DLG2: variants seen among roughly 807,000 people sequenced by gnomAD.
DLG2 encodes disks large homolog 2.
A neutral mutation model predicts 132.5 loss-of-function variants in DLG2; 45 were observed. The ratio of observed to expected loss-of-function variants is 0.34; its 90% confidence interval spans 0.27 to 0.44. DLG2 has a LOEUF of 0.44. Among genes scored for constraint, DLG2 ranks in the 20% least tolerant of loss-of-function variants. The probability of loss-of-function intolerance (pLI) is 1.00; values close to 1 mark genes in which losing one functional copy is unlikely to be tolerated. For missense variants in DLG2, 1,045 were observed against 1,196.9 expected (o/e 0.87, Z 1.87); for synonymous variants, 424 against 419.6 (o/e 1.01, Z -0.13).
chr11:84,109,102 A>G (rs2093172241), intron 9 of DLG2, among the ~76,000 whole-genome samples: 1 of 152,084 alleles, frequency 6.6e-6, no homozygotes, highest in African/African-American at 2.4e-5. Context: ...AAGAAAAAAA[A>G]TACTTACATC....
intron 14 of DLG2, among the ~76,000 whole-genome samples, chr11:83,937,074 A>G (rs2081596782): frequency 6.6e-6 from 1 of 152,206 alleles, no homozygotes; most frequent in African/African-American, 2.4e-5. Flanking sequence ...ATTTTTAAAA[A>G]ATTTTTAATT....
At chr11:84,561,497 T>G (rs1056602854) in intron 6 of DLG2, among the ~76,000 whole-genome samples, 2 of 152,152 alleles carry the variant, frequency 1.3e-5, no homozygotes, top group Non-Finnish European at 2.9e-5. Flanking sequence ...TATTTAGAAG[T>G]GTAATTAATC....
chr11:84,996,826 G>T (rs1334299049), intron 6 of DLG2, among the ~76,000 whole-genome samples: 1 of 152,138 alleles, frequency 6.6e-6, no homozygotes, highest in Non-Finnish European at 1.5e-5. Context: ...ATCTAATTAG[G>T]AAGAAAGCTT....
chr11:84,726,741 G>T (rs2062514992), intron 6 of DLG2, among the ~76,000 whole-genome samples: 1 of 152,154 alleles, frequency 6.6e-6, no homozygotes, highest in African/African-American at 2.4e-5. Flanking sequence ...CAGTGTAAAA[G>T]TCTCCCTATT....
chr11:84,316,834 G>C (rs772227136), intron 7 of DLG2: 4 of 1,611,312 alleles, frequency 2.5e-6, no homozygotes, highest in Non-Finnish European at 3.4e-6. Flanking sequence ...CCTGTGCTGG[G>C]CTGAACCAAC....
chr11:85,599,335 C>T (rs1323190283), intron 2 of DLG2, among the ~76,000 whole-genome samples: 1 of 151,296 alleles, frequency 6.6e-6, no homozygotes, highest in African/African-American at 2.4e-5. Context: ...TGCTCTCTCC[C>T]CCACCTCTCT....
chr11:85,023,560 G>C (rs2060257687), intron 6 of DLG2, among the ~76,000 whole-genome samples: 1 of 151,928 alleles, frequency 6.6e-6, no homozygotes, highest in South Asian at 2.1e-4. Context: ...CAAGATAATA[G>C]AGATTAAATA....
chr11:84,749,994 T>G (rs2065901657), intron 6 of DLG2, among the ~76,000 whole-genome samples: 1 of 152,150 alleles, frequency 6.6e-6, no homozygotes, highest in South Asian at 2.1e-4. Flanking sequence ...AATATTTGTG[T>G]TTTTTAATGA....
At chr11:85,266,397 G>A (rs2077213303) in intron 4 of DLG2, among the ~76,000 whole-genome samples, 1 of 152,142 alleles carries the variant, frequency 6.6e-6, no homozygotes, top group Non-Finnish European at 1.5e-5. Context: ...CTCATAACTG[G>A]GAGTTGAACA....
chr11:84,863,871 C>T (rs1052370369), intron 6 of DLG2, among the ~76,000 whole-genome samples: 1 of 152,090 alleles, frequency 6.6e-6, no homozygotes, highest in African/African-American at 2.4e-5. Flanking sequence ...AGTTGCTTAA[C>T]CTCTCTGAGT....
chr11:83,986,904 GTTGT>G, intron 11 of DLG2, among the ~76,000 whole-genome samples: 1 of 152,188 alleles, frequency 6.6e-6, no homozygotes, highest in East Asian at 1.9e-4. Context: ...TTTTGATGGG[GTTGT>G]TTGTCTTTTT....
intron 2 of DLG2, among the ~76,000 whole-genome samples, chr11:85,605,144 T>C (rs1248772390): frequency 6.6e-6 from 1 of 152,194 alleles, no homozygotes; most frequent in African/African-American, 2.4e-5. Flanking sequence ...TTTAAATGCA[T>C]TATCTTATCT....
At chr11:85,525,497 T>A (rs1322797964) in intron 3 of DLG2, among the ~76,000 whole-genome samples, 2 of 152,208 alleles carry the variant, frequency 1.3e-5, no homozygotes, top group Non-Finnish European at 2.9e-5. Flanking sequence ...GAAATACTTA[T>A]TAGAACAGAA....
intron 6 of DLG2, among the ~76,000 whole-genome samples, chr11:84,642,942 C>CTTTT (rs1565538157): frequency 1.3e-5 from 2 of 152,108 alleles, no homozygotes; most frequent in Non-Finnish European, 2.9e-5. Flanking sequence ...AAAAAGAGTC[C>CTTTT]TTAAAATAAT....
intron 14 of DLG2, among the ~76,000 whole-genome samples, chr11:83,951,315 T>G (rs2085359093): frequency 6.6e-6 from 1 of 152,106 alleles, no homozygotes; most frequent in Non-Finnish European, 1.5e-5. Flanking sequence ...CTGGGACTAA[T>G]CAATATACAA....
chr11:84,982,949 A>C (rs1473545262), intron 6 of DLG2, among the ~76,000 whole-genome samples: 4 of 152,208 alleles, frequency 2.6e-5, no homozygotes, highest in African/African-American at 9.6e-5. Context: ...AATCTAAGGA[A>C]AACCTACAGA....
intron 18 of DLG2, among the ~76,000 whole-genome samples, chr11:83,671,806 A>G (rs891481311): frequency 2.6e-5 from 4 of 152,232 alleles, no homozygotes; most frequent in African/African-American, 9.6e-5. Context: ...CAATTGTCAC[A>G]TCTCAAATAT....
At chr11:84,246,454 A>T (rs2097303303) in intron 8 of DLG2, among the ~76,000 whole-genome samples, 1 of 152,216 alleles carries the variant, frequency 6.6e-6, no homozygotes, top group South Asian at 2.1e-4. Context: ...ATGGCCCCAA[A>T]GCACAAGAAT....
chr11:83,787,996 C>G (rs2040485916), intron 17 of DLG2, among the ~76,000 whole-genome samples: 1 of 152,172 alleles, frequency 6.6e-6, no homozygotes, highest in Non-Finnish European at 1.5e-5. Context: ...GATGAACACA[C>G]AGTAAGTATG....
Sources: allele counts gnomAD v4.1 joint callset (sites outside exome capture counted in the v4.1 genomes callset), GRCh38; gene constraint gnomAD v4.1.1; transcripts MANE v1.5; gene names NCBI Gene and HGNC (gene_info 2026-07-23, HGNC 2026-07-21).